Variants in FBXL7 observed in about 807,000 individuals in gnomAD.
FBXL7 encodes the protein F-box/LRR-repeat protein 7.
A neutral mutation model predicts 38.3 loss-of-function variants in FBXL7; 12 were observed. The observed-to-expected ratio is 0.31, with a 90% CI of 0.20 to 0.51. The LOEUF is 0.51. Ranked by LOEUF, FBXL7 falls within the 20% of genes least tolerant of loss-of-function variation. The pLI is 0.98. For synonymous variants in FBXL7, 297 were observed against 300.9 expected, an observed-to-expected ratio of 0.99 and a Z score of 0.13; for missense variants, 567 against 676.4, an observed-to-expected ratio of 0.84 and a Z score of 1.79.
Position 15,520,159 on chromosome 5 carries a change from T to G in FBXL7, c.37+19446T>G, listed in dbSNP as rs144981465. Among the ~76,000 whole-genome samples the G allele has an allele frequency of 5.3e-3, 800 of 152,326 alleles. 4 individuals are homozygous for G. Among genetic ancestry groups the G allele is most frequent in the African/African-American group, 0.018 (768 of 41,574 alleles). On this transcript the variant is annotated intron_variant, in intron 1 of 3. Coordinates refer to ENST00000504595, the MANE Select transcript of FBXL7 (RefSeq NM_012304.5). ...ACCAGAGGTCACTCTTGTGGCCATC[T>G]TGGTTTTGGTGGGTTTTGGTTGGCT...
intron 2 of FBXL7, among the ~76,000 whole-genome samples, chr5:15,890,929 A>G (rs1034716768): frequency 6.6e-6 from 1 of 150,428 alleles, no homozygotes; most frequent in African/African-American, 2.4e-5. Flanking sequence ...TTGAATAGTG[A>G]TATATTTAAA....
At chr5:15,566,706 C>T (rs1738583811) in intron 1 of FBXL7, among the ~76,000 whole-genome samples, 1 of 152,084 alleles carries the variant, frequency 6.6e-6, no homozygotes. Context: ...TTTGGAAAAG[C>T]AAATGATTAC....
chr5:15,731,088 C>T (rs1263121931), intron 2 of FBXL7, among the ~76,000 whole-genome samples: 2 of 152,052 alleles, frequency 1.3e-5, no homozygotes, highest in East Asian at 1.9e-4. Flanking sequence ...GAGACATAAC[C>T]GTCTGAGTAC....
At chr5:15,593,260 A>T (rs1479099379) in intron 1 of FBXL7, among the ~76,000 whole-genome samples, 4 of 152,016 alleles carry the variant, frequency 2.6e-5, no homozygotes, top group African/African-American at 9.7e-5. Context: ...GCAGTGGCTC[A>T]CACCTATAAT....
chr5:15,581,878 C>T (rs1383810945), intron 1 of FBXL7, among the ~76,000 whole-genome samples: 1 of 152,102 alleles, frequency 6.6e-6, no homozygotes, highest in Admixed American at 6.5e-5. Context: ...AAGTCCAGAC[C>T]TTGCAATCTG....
chr5:15,885,226 C>T (rs1740626927), intron 2 of FBXL7, among the ~76,000 whole-genome samples: 1 of 152,172 alleles, frequency 6.6e-6, no homozygotes, highest in Non-Finnish European at 1.5e-5. Context: ...TGCTCAGAGG[C>T]CTTCCCTGGT....
At chr5:15,608,782 A>G (rs1292988856) in intron 1 of FBXL7, among the ~76,000 whole-genome samples, 1 of 152,160 alleles carries the variant, frequency 6.6e-6, no homozygotes, top group Non-Finnish European at 1.5e-5. Flanking sequence ...AGCCCCAACT[A>G]TTGTGTGAAC....
intron 1 of FBXL7, among the ~76,000 whole-genome samples, chr5:15,578,449 C>T (rs1352226671): frequency 6.6e-6 from 1 of 152,100 alleles, no homozygotes; most frequent in East Asian, 1.9e-4. Flanking sequence ...GACAGATAAG[C>T]CTTGTGGTTT....
At chr5:15,512,545 AT>A (rs1736828420) in intron 1 of FBXL7, among the ~76,000 whole-genome samples, 1 of 152,144 alleles carries the variant, frequency 6.6e-6, no homozygotes, top group Non-Finnish European at 1.5e-5. Flanking sequence ...AAACTTGGAC[AT>A]TTTACCCTCG....
At chr5:15,669,705 A>T (rs1742403173) in intron 2 of FBXL7, among the ~76,000 whole-genome samples, 3 of 152,146 alleles carry the variant, frequency 2.0e-5, no homozygotes, top group Non-Finnish European at 2.9e-5. Flanking sequence ...TGAACATCTA[A>T]TCCTGTCACG....
chr5:15,756,628 T>C (rs947261784), intron 2 of FBXL7, among the ~76,000 whole-genome samples: 1 of 152,208 alleles, frequency 6.6e-6, no homozygotes, highest in Non-Finnish European at 1.5e-5. Context: ...AGCTGTGCTG[T>C]TCTTAACCAG....
intron 2 of FBXL7, among the ~76,000 whole-genome samples, chr5:15,870,569 G>T (rs2126823938): frequency 6.6e-6 from 1 of 152,242 alleles, no homozygotes; most frequent in East Asian, 1.9e-4. Flanking sequence ...ATGGTGGGGG[G>T]ATTACTCAAA....
At chr5:15,899,595 C>T (rs2126406243) in intron 2 of FBXL7, among the ~76,000 whole-genome samples, 1 of 152,226 alleles carries the variant, frequency 6.6e-6, no homozygotes, top group Non-Finnish European at 1.5e-5. Context: ...CCTAGTTTTG[C>T]CCCAGCAGTG....
intron 2 of FBXL7, among the ~76,000 whole-genome samples, chr5:15,731,073 C>T (rs1274975473): frequency 2.0e-5 from 3 of 152,038 alleles, no homozygotes; most frequent in Non-Finnish European, 2.9e-5. Context: ...GCAGTTTGGA[C>T]CCCAGAGACA....
intron 2 of FBXL7, among the ~76,000 whole-genome samples, chr5:15,854,209 T>C (rs940050253): frequency 3.9e-5 from 6 of 152,298 alleles, no homozygotes; most frequent in African/African-American, 1.4e-4. Flanking sequence ...ATCAGACACA[T>C]ATAGGGCCTC....
intron 2 of FBXL7, among the ~76,000 whole-genome samples, chr5:15,891,429 A>G (rs559306489): frequency 1.3e-5 from 2 of 152,326 alleles, no homozygotes; most frequent in African/African-American, 2.4e-5. Flanking sequence ...AATTTTCTAC[A>G]TTTTAGAATC....
intron 2 of FBXL7, among the ~76,000 whole-genome samples, chr5:15,731,637 G>A (rs1459266009): frequency 6.6e-6 from 1 of 152,216 alleles, no homozygotes; most frequent in East Asian, 1.9e-4. Flanking sequence ...GATGACTTAG[G>A]TAAGTCCATG....
intron 2 of FBXL7, among the ~76,000 whole-genome samples, chr5:15,839,327 A>G (rs1738679660): frequency 6.6e-6 from 1 of 151,990 alleles, no homozygotes; most frequent in Non-Finnish European, 1.5e-5. Flanking sequence ...CATCAAGGAG[A>G]CACTCTCAAG....
chr5:15,778,840 AT>A (rs1736922858), intron 2 of FBXL7, among the ~76,000 whole-genome samples: 2 of 152,178 alleles, frequency 1.3e-5, no homozygotes, highest in Non-Finnish European at 2.9e-5. Flanking sequence ...GAAATAAAAA[AT>A]GATCATGAAA....
Sources: gnomAD v4.1 joint callset for allele counts (sites outside exome capture counted in the v4.1 genomes callset) on GRCh38, gnomAD v4.1.1 for gene constraint, MANE v1.5 for transcripts, NCBI Gene and HGNC (gene_info 2026-07-23, HGNC 2026-07-21) for gene names.